Variants in CNBD2 observed in about 807,000 individuals in gnomAD.
CNBD2 encodes the protein cyclic nucleotide-binding domain-containing protein 2.
Under a neutral mutation model 63.7 loss-of-function variants are expected in CNBD2, and 64 were observed. The observed-to-expected ratio is 1.00, with a 90% confidence interval of 0.82 to 1.24. The LOEUF is 1.24. CNBD2 is among the 50% of genes most tolerant of loss of function. The pLI is 0.00. For missense variants in CNBD2, 691 were observed against 713.5 expected (o/e 0.97, Z 0.36); for synonymous variants, 229 against 255.4 (o/e 0.90, Z 0.99).
upstream of CNBD2, among the ~76,000 whole-genome samples, chr20:35,964,341 C>G (rs914647887): frequency 6.6e-6 from 1 of 151,930 alleles, no homozygotes; most frequent in Non-Finnish European, 1.5e-5. Flanking sequence ...CCACCATGCC[C>G]GGCTAATTTT....
chr20:35,999,093 T>G (rs1263422465), intron 8 of CNBD2, among the ~76,000 whole-genome samples: 2 of 152,200 alleles, frequency 1.3e-5, no homozygotes, highest in Non-Finnish European at 2.9e-5. Context: ...ACCTACTTTT[T>G]CTGATGTAAA....
intron 11 of CNBD2, among the ~76,000 whole-genome samples, chr20:36,026,323 G>A (rs886756934): frequency 3.9e-5 from 6 of 152,048 alleles, no homozygotes; most frequent in East Asian, 1.9e-4. Context: ...ATGAGCCACC[G>A]CGCCTGGCCT....
chr20:35,980,559 A>G lies in CNBD2; in HGVS notation c.344A>G (p.Asp115Gly). The G allele has an allele frequency of 1.2e-6, 2 of 1,614,174 alleles. No individual in the cohort carries two copies. Among genetic ancestry groups the G allele is most frequent in the Non-Finnish European group, 1.7e-6 (2 of 1,180,036 alleles). ...QAVCNILQVL[D>G]SYRNYAEPLQ... ...GTCTGTAACATCTTGCAGGTTCTGG[A>G]TAGCTATCGGAACTACGCAGAGCCC... Residue 115 changes from aspartate to glycine, a missense_variant, in exon 4 of 12, where the codon GAT becomes GGT. Physicochemically the swap from Asp to Gly is moderately conservative, Grantham distance 94 (BLOSUM62 -1). Transcript: ENST00000373973.
At chr20:36,027,180 G>A (rs1364158345) in intron 11 of CNBD2, among the ~76,000 whole-genome samples, 3 of 152,180 alleles carry the variant, frequency 2.0e-5, no homozygotes, top group African/African-American at 7.2e-5. Context: ...TCATAATGGA[G>A]CTCATACTTC....
intron 6 of CNBD2, among the ~76,000 whole-genome samples, chr20:35,987,054 G>A (rs1233090941): frequency 6.6e-6 from 1 of 151,802 alleles, no homozygotes; most frequent in Non-Finnish European, 1.5e-5. Flanking sequence ...AGCTTCATGA[G>A]CCACGGTGGG....
intron 10 of CNBD2, among the ~76,000 whole-genome samples, chr20:36,017,780 C>A (rs958155524): frequency 1.3e-5 from 2 of 152,124 alleles, no homozygotes; most frequent in African/African-American, 4.8e-5. Flanking sequence ...CTTCAAGGGG[C>A]GTAATTTCCA....
At chr20:36,025,114 C>G (rs947653259) in intron 11 of CNBD2, among the ~76,000 whole-genome samples, 1 of 152,016 alleles carries the variant, frequency 6.6e-6, no homozygotes, top group African/African-American at 2.4e-5. Context: ...CTTAATGGCT[C>G]TGTAACAGCA....
intron 1 of CNBD2, among the ~76,000 whole-genome samples, chr20:35,970,542 G>A (rs1431050317): frequency 2.6e-5 from 4 of 151,986 alleles, no homozygotes; most frequent in South Asian, 4.2e-4. Flanking sequence ...GATTACAGGC[G>A]CCCACCACCA....
chr20:35,972,763 G>A lies in CNBD2; in HGVS notation c.186G>A (p.Trp62Ter), dbSNP rs745392096. The change falls in exon 2 of 12, where the codon TGG (tryptophan) becomes TGA (stop). Residue 62 changes from tryptophan to a stop codon, truncating the protein, a stop_gained. Coordinates refer to ENST00000373973, the MANE Select transcript of CNBD2 (RefSeq NM_001365709.1). LOFTEE classifies it high-confidence loss of function. Reference sequence around the variant, plus strand: ...GGAAGCACCCTATCTTCTCCTTCTGGGATGTAAGCAGTTGGGCTCAGCAGG... The same window carrying A: ...GGAAGCACCCTATCTTCTCCTTCTGAGATGTAAGCAGTTGGGCTCAGCAGG... ...AHWKHPIFSF[W>*]DKKMQSRVTF... 1.8e-5 allele frequency: 29 copies of A among 1,614,068 alleles called. No individual in the cohort carries two copies. Among genetic ancestry groups the A allele is most frequent in the Non-Finnish European group, 2.5e-5 (29 of 1,179,998 alleles).
At chr20:35,997,817 C>A (rs2056844922) in intron 8 of CNBD2, among the ~76,000 whole-genome samples, 1 of 152,144 alleles carries the variant, frequency 6.6e-6, no homozygotes, top group African/African-American at 2.4e-5. Flanking sequence ...CTTCTCATGT[C>A]AATTCTTGTT....
chr20:35,978,923 C>T (rs1464683752), intron 3 of CNBD2, among the ~76,000 whole-genome samples: 1 of 152,154 alleles, frequency 6.6e-6, no homozygotes, highest in Non-Finnish European at 1.5e-5. Context: ...AGGATTTTAA[C>T]TATCTGTGTT....
intron 8 of CNBD2, among the ~76,000 whole-genome samples, chr20:36,004,729 A>AT (rs1411629131): frequency 4.0e-5 from 6 of 151,460 alleles, no homozygotes; most frequent in Non-Finnish European, 7.4e-5. Context: ...CACCCACCTA[A>AT]TTTTTTATCT....
At chr20:35,959,817 G>A (rs562965016), downstream of CNBD2, among the ~76,000 whole-genome samples, 4 of 152,308 alleles carry the variant, frequency 2.6e-5, no homozygotes, top group Non-Finnish European at 4.4e-5. Flanking sequence ...TCAAACCCAC[G>A]TTTAACATAG....
At position 35,983,964 on chromosome 20, in the gene CNBD2, G is replaced by C; in HGVS notation, c.408-18G>C. ...CCCCATGTCACTACCCAATCAACTAGCAGTGGTCTTTTCCCAGGTTTGGTC... is the reference window on the plus strand; with the variant it reads ...CCCCATGTCACTACCCAATCAACTACCAGTGGTCTTTTCCCAGGTTTGGTC... On this transcript the variant is annotated intron_variant, in intron 4 of 11. Transcript: ENST00000373973. 1 of 1,614,138 alleles carries C rather than the reference G, an allele frequency of 6.2e-7. No individual in the cohort carries two copies. The highest frequency in any genetic ancestry group is 8.5e-7 in the Non-Finnish European group (1 of 1,180,008).
At chr20:35,997,540 C>G (rs1476366231) in intron 8 of CNBD2, among the ~76,000 whole-genome samples, 1 of 152,140 alleles carries the variant, frequency 6.6e-6, no homozygotes. Flanking sequence ...AATACAGGGT[C>G]CTTCTCTTAT....
chr20:36,027,776 A>G (rs1422100585), intron 11 of CNBD2, among the ~76,000 whole-genome samples: 2 of 151,716 alleles, frequency 1.3e-5, no homozygotes, highest in Non-Finnish European at 2.9e-5. Context: ...CCTGGCTTCA[A>G]GTGATTCTTC....
intron 4 of CNBD2, 90 bp downstream of exon 4, chr20:35,980,712 C>A: frequency 8.2e-7 from 1 of 1,215,350 alleles, no homozygotes; most frequent in Non-Finnish European, 1.2e-6. Flanking sequence ...TCCTGCCCAC[C>A]CCTCTGCATA....
chr20:35,958,813 A>C (rs533734367), downstream of CNBD2: 1 of 152,202 alleles, frequency 6.6e-6, no homozygotes, highest in Non-Finnish European at 1.5e-5. Flanking sequence ...GGCAACCACT[A>C]ATCTATTCTC....
chr20:35,958,166 C>T (rs1358189930), downstream of CNBD2, among the ~76,000 whole-genome samples: 1 of 152,222 alleles, frequency 6.6e-6, no homozygotes, highest in Non-Finnish European at 1.5e-5. Context: ...AGCATGGTGG[C>T]TCATGCCTGT....
Sources: gnomAD v4.1 joint callset for allele counts (sites outside exome capture counted in the v4.1 genomes callset) on GRCh38, gnomAD v4.1.1 for gene constraint, MANE v1.5 for transcripts, NCBI Gene and HGNC (gene_info 2026-07-23, HGNC 2026-07-21) for gene names.